HSD17B4: variants seen among roughly 807,000 people sequenced by gnomAD.
HSD17B4 encodes the protein hydroxysteroid 17-beta dehydrogenase 4.
Under a neutral mutation model 101.0 loss-of-function variants are expected in HSD17B4, and 70 were observed. That is an observed-to-expected ratio of 0.69 (90% CI 0.57 to 0.85). HSD17B4 has a LOEUF of 0.85. HSD17B4 is among the 40% of genes least tolerant of loss of function. The pLI, the probability that HSD17B4 is intolerant of heterozygous loss-of-function variation, is 0.00. For synonymous variants in HSD17B4, 347 were observed against 297.1 expected, an observed-to-expected ratio of 1.17 and a Z score of -1.73; for missense variants, 984 against 892.4, an observed-to-expected ratio of 1.10 and a Z score of -1.31.
At chr5:119,466,827 A>T (rs973000535) in intron 2 of HSD17B4, among the ~76,000 whole-genome samples, 6 of 150,802 alleles carry the variant, frequency 4.0e-5, no homozygotes, top group African/African-American at 1.2e-4. Context: ...CTGATTTTGG[A>T]TTTGGTTCTT....
intron 16 of HSD17B4, among the ~76,000 whole-genome samples, chr5:119,509,767 A>C (rs909981556): frequency 1.3e-5 from 2 of 152,248 alleles, no homozygotes; most frequent in African/African-American, 4.8e-5. Flanking sequence ...TAGACGATGC[A>C]GCAAAGCAGG....
At chr5:119,453,643 A>G (rs6897978) in intron 1 of HSD17B4, among the ~76,000 whole-genome samples, 42,895 of 152,080 alleles carry the variant, frequency 0.28, 6,921 homozygotes, top group East Asian at 0.52. Flanking sequence ...AATTCTGTCA[A>G]TTAATTCCTA....
rs141219265 is a variant in HSD17B4, at chr5:119,531,381, G to A, written c.1970G>A (p.Gly657Asp). 11 of 1,613,416 alleles carry A rather than the reference G, an allele frequency of 6.8e-6. No homozygotes were observed. Among genetic ancestry groups the A allele is most frequent in the East Asian group, 2.2e-5 (1 of 44,876 alleles). Reference sequence around the variant, plus strand: ...GTATTTGAGTGGCATATAACCAAAGGCGGAAATATTGGGGCTAAGTGGAGT... The same window carrying A: ...GTATTTGAGTGGCATATAACCAAAGACGGAAATATTGGGGCTAAGTGGAGT... The part of the protein sequence containing the change: ...NAVFEWHITK[G>D]GNIGAKWTID... The change falls in exon 22 of 24, where the codon GGC becomes GAC. Residue 657 changes from glycine (G) to aspartate (D), a missense_variant. Physicochemically the swap from Gly to Asp is moderately conservative, Grantham distance 94. Coordinates refer to ENST00000510025, the MANE Select transcript of HSD17B4 (RefSeq NM_000414.4).
rs185173381 is a variant in HSD17B4, at chr5:119,485,144, C to G, written c.623-4048C>G. ...TACCCCCCTGCTTCATACCAAGAGACAAACCACTAGTTAGAATTTGTGCTG... is the reference window on the plus strand; with the variant it reads ...TACCCCCCTGCTTCATACCAAGAGAGAAACCACTAGTTAGAATTTGTGCTG... On this transcript the variant is annotated intron_variant, in intron 8 of 23. Coordinates refer to ENST00000510025, the MANE Select transcript of HSD17B4 (RefSeq NM_000414.4). 1.2e-4 allele frequency among the ~76,000 whole-genome samples: 18 copies of G among 152,248 alleles called. No homozygotes were observed. The East Asian group carries it at 2.7e-3, about 23-fold the overall frequency.
intron 2 of HSD17B4, among the ~76,000 whole-genome samples, chr5:119,461,349 T>C (rs1387779163): frequency 6.6e-6 from 1 of 152,166 alleles, no homozygotes; most frequent in Non-Finnish European, 1.5e-5. Context: ...AATATTACTT[T>C]ACTAGTGCTC....
Position 119,496,593 on chromosome 5 carries a change from G to A in HSD17B4, c.919G>A (p.Gly307Arg). 1 of 1,606,934 alleles carries A rather than the reference G, an allele frequency of 6.2e-7. No individual in the cohort carries two copies. The highest frequency in any genetic ancestry group is 8.5e-7 in the Non-Finnish European group (1 of 1,173,550). The change falls in exon 12 of 24, where the codon GGA (glycine) becomes AGA (arginine). Residue 307 changes from glycine to arginine, a missense_variant. Gly to Arg is a moderately radical substitution (Grantham distance 125). Coordinates refer to ENST00000510025, the MANE Select transcript of HSD17B4 (RefSeq NM_000414.4). ...EVLSKIDSEG[G>R]VSANHTSRAT... ...TCTGAGTAAAATAGATTCAGAAGGA[G>A]GAGTTTCAGCAAATCATACTAGTCG... is the stretch of plus-strand genomic sequence containing the variant.
intron 22 of HSD17B4, among the ~76,000 whole-genome samples, chr5:119,532,593 A>G (rs1754210011): frequency 6.6e-6 from 1 of 152,014 alleles, no homozygotes; most frequent in Admixed American, 6.6e-5. Context: ...TATGATACTG[A>G]GATATTTCAT....
chr5:119,517,298 C>T (rs892478910), intron 17 of HSD17B4, among the ~76,000 whole-genome samples: 9 of 152,206 alleles, frequency 5.9e-5, no homozygotes, highest in African/African-American at 1.4e-4. Flanking sequence ...GCCAGCCCAC[C>T]GGTGCTGTGC....
chr5:119,533,522 C>T (rs1754293816), intron 22 of HSD17B4, among the ~76,000 whole-genome samples: 1 of 151,986 alleles, frequency 6.6e-6, no homozygotes, highest in Non-Finnish European at 1.5e-5. Context: ...GAGAAAGAGT[C>T]AAAACTAATA....
At chr5:119,498,903 A>G (rs1750893842) in intron 12 of HSD17B4, among the ~76,000 whole-genome samples, 1 of 152,140 alleles carries the variant, frequency 6.6e-6, no homozygotes, top group Non-Finnish European at 1.5e-5. Context: ...AGAAACCATT[A>G]TGAGGCAATC....
At chr5:119,458,760 TG>T (rs761557393) in intron 2 of HSD17B4, among the ~76,000 whole-genome samples, 35 of 152,200 alleles carry the variant, frequency 2.3e-4, no homozygotes, top group Admixed American at 3.9e-4. Flanking sequence ...GTATAAGAAC[TG>T]CTAAGCCTTA....
At chr5:119,463,249 G>T (rs11744058) in intron 2 of HSD17B4, among the ~76,000 whole-genome samples, 37,875 of 152,020 alleles carry the variant, frequency 0.25, 5,235 homozygotes, top group African/African-American at 0.36. Context: ...CTTTATCCAT[G>T]CATCTGTTGA....
Position 119,509,244 on chromosome 5 carries a change from G to A in HSD17B4, c.1437G>A (p.Lys479=). Residue 479 remains lysine (K), a splice_region_variant and synonymous_variant, in exon 16 of 24, where the codon AAG becomes AAA. Transcript: ENST00000510025. ...FGGKRTSDKV[K]VAVAIPNRPP... is the part of the protein sequence containing the mutation. Reference sequence around the variant, plus strand: ...GAAAACGGACATCAGACAAAGTCAAGGTAAGCCATGACTTTGTAAGCAAAA... The same window carrying A: ...GAAAACGGACATCAGACAAAGTCAAAGTAAGCCATGACTTTGTAAGCAAAA... 1.3e-6 allele frequency: 2 copies of A among 1,564,736 alleles called. No homozygotes were observed. The highest frequency in any genetic ancestry group is 2.2e-5 in the East Asian group (1 of 44,662).
chr5:119,483,987 C>T (rs554304669), intron 8 of HSD17B4, among the ~76,000 whole-genome samples: 133 of 152,198 alleles, frequency 8.7e-4, no homozygotes, highest in African/African-American at 3.0e-3. Context: ...GGTCCACAGA[C>T]ATTTTTGTTG....
In HSD17B4 at chr5:119,536,591, T is replaced by C. The variant is rs577739042; in HGVS notation, c.2121+41T>C. 6.2e-6 allele frequency: 10 copies of C among 1,602,750 alleles called. No individual in the cohort carries two copies. The Admixed American group carries it at 1.0e-4, about 16-fold the overall frequency. ...GTTCATTTATTCATTGTTTTATTGT[T>C]TCCTCTTTTGACAATTGCAGTTTTT... is the stretch of plus-strand genomic sequence containing the variant. On this transcript the variant is annotated intron_variant, in intron 23 of 23. Transcript: ENST00000510025.
intron 11 of HSD17B4, among the ~76,000 whole-genome samples, chr5:119,494,325 T>TTTTCTTTCTTTTCTTTC (rs1554064682): frequency 5.4e-5 from 6 of 111,524 alleles, no homozygotes; most frequent in African/African-American, 2.1e-4. Context: ...TCTTTCTTTC[T>TTTTCTTTCTTTTCTTTC]TTTCTTTCTT....
Position 119,537,853 on chromosome 5 carries a change from C to T in HSD17B4, c.2121+1303C>T, listed in dbSNP as rs1336539044. The stretch of plus-strand genomic sequence containing the variant: ...TGGTTCTCCAGCTGTTGTTTGCCAA[C>T]CCTTGAGTTAGAATGTGACAGGACA... On this transcript the variant is annotated intron_variant, in intron 23 of 23. Coordinates refer to ENST00000510025, the MANE Select transcript of HSD17B4 (RefSeq NM_000414.4). Among the ~76,000 whole-genome samples, 5 of 152,044 alleles carry T rather than the reference C, an allele frequency of 3.3e-5. No homozygotes were observed. In the South Asian group the frequency reaches 1.0e-3, roughly 32 times the overall value.
At chr5:119,519,876 T>A (rs1561481125) in intron 17 of HSD17B4, among the ~76,000 whole-genome samples, 1 of 152,196 alleles carries the variant, frequency 6.6e-6, no homozygotes, top group African/African-American at 2.4e-5. Context: ...ACACCAATTG[T>A]CAATTTTTAA....
chr5:119,521,260 A>G lies in HSD17B4; in HGVS notation c.1504-3956A>G, dbSNP rs146992696. 2.0e-3 allele frequency among the ~76,000 whole-genome samples: 309 copies of G among 152,300 alleles called. 2 individuals carry two copies. Among genetic ancestry groups the G allele is most frequent in the African/African-American group, 7.0e-3 (292 of 41,566 alleles). On this transcript the variant is annotated intron_variant, in intron 17 of 23. Coordinates refer to ENST00000510025, the MANE Select transcript of HSD17B4 (RefSeq NM_000414.4). ...CCTTTGAAAAGTCTGATGCCAATCT[A>G]ATTATCTTCCCCTGTAAGTTACTTG...
Sources: gnomAD v4.1 joint callset for allele counts (sites outside exome capture counted in the v4.1 genomes callset) on GRCh38, gnomAD v4.1.1 for gene constraint, MANE v1.5 for transcripts, NCBI Gene and HGNC (gene_info 2026-07-23, HGNC 2026-07-21) for gene names.